Variants in CDH24 observed in about 807,000 individuals in gnomAD.
The protein encoded by CDH24 is cadherin 24, also known as cadherin-24.
A neutral mutation model predicts 71.2 loss-of-function variants in CDH24; 61 were observed. The observed-to-expected ratio is 0.86, with a 90% CI of 0.70 to 1.06. The LOEUF (loss-of-function observed/expected upper bound fraction) is 1.06. Ranked by LOEUF, CDH24 falls within the 50% of genes least tolerant of loss-of-function variation. The pLI, the probability that CDH24 is intolerant of heterozygous loss-of-function variation, is 0.00. For synonymous variants in CDH24, 440 were observed against 470.2 expected, an observed-to-expected ratio of 0.94 and a Z score of 0.83; for missense variants, 961 against 1,083.7, an observed-to-expected ratio of 0.89 and a Z score of 1.59.
At chr14:23,052,406 C>T (rs183768991) in intron 8 of CDH24, 67 bp downstream of exon 8, 70 of 1,577,252 alleles carry the variant, frequency 4.4e-5, no homozygotes, top group Non-Finnish European at 5.7e-5. Flanking sequence ...CCTTCTCCAC[C>T]CCCACACCCA....
In CDH24 at chr14:23,050,984, G is replaced by C. The variant is rs35322369; in HGVS notation, c.1364-1041C>G. Among the ~76,000 whole-genome samples the C allele has an allele frequency of 6.8e-3, 1,034 of 152,050 alleles. 4 individuals carry two copies. Among genetic ancestry groups the C allele is most frequent in the Non-Finnish European group, 9.4e-3 (639 of 67,976 alleles). On this transcript the variant is annotated intron_variant, in intron 8 of 12. Coordinates refer to ENST00000487137, the MANE Select transcript of CDH24 (RefSeq NM_144985.4). The stretch of plus-strand genomic sequence containing the variant: ...GCACTGCTAGGTGATGTCTGGGTGC[G>C]GGTAGGAGCAGGATTTGGCAGGAGA...
Position 23,051,792 on chromosome 14 carries a change from C to T in CDH24, c.1363+681G>A, listed in dbSNP as rs954792051. The stretch of plus-strand genomic sequence containing the variant: ...ATGAAGACAAAAGGGTGGAGGAGCC[C>T]CTGAGGCATAAGCAGGGGTATAAGG... On this transcript the variant is annotated intron_variant, in intron 8 of 12. Transcript: ENST00000487137. The surrounding 1 kb of genome is among the most constrained non-coding windows in gnomAD (Gnocchi z 4.4). 2.6e-5 allele frequency among the ~76,000 whole-genome samples: 4 copies of T among 152,172 alleles called. No homozygotes were observed. Among genetic ancestry groups the T allele is most frequent in the African/African-American group, 9.7e-5 (4 of 41,434 alleles).
chr14:23,054,325 A>G lies in CDH24; in HGVS notation c.788T>C (p.Leu263Pro). ...NDNPPKFPQS[L>P]YQFSVVETAG... ...TGTCTCCACCACGGAGAACTGGTAT[A>G]GGCCTTGGGATGACAGAGGGGAGAC... The change falls in exon 6 of 13, where the codon CTA becomes CCA. Residue 263 changes from leucine to proline, a missense_variant. Physicochemically the swap from Leu to Pro is moderately conservative, Grantham distance 98 (BLOSUM62 -3). Coordinates refer to ENST00000487137, the MANE Select transcript of CDH24 (RefSeq NM_144985.4). The surrounding 1 kb of genome is among the most constrained non-coding windows in gnomAD (Gnocchi z 5.2). 6.3e-7 allele frequency: 1 copy of G among 1,584,212 alleles called. No homozygotes were observed. The highest frequency in any genetic ancestry group is 8.6e-7 in the Non-Finnish European group (1 of 1,161,712).
chr14:23,049,826 C>T lies in CDH24; in HGVS notation c.1481G>A (p.Gly494Asp). ...DTFVCDSAAP[G>D]QLIQVIRALD... ...CCCTCTGCCTCAGTTGCTCACCTGG[C>T]CAGGAGCTGCAGAGTCACACACAAA... Residue 494 changes from glycine to aspartate, a missense_variant, in exon 9 of 13, where the codon GGC becomes GAC. By Grantham distance (94) the Gly-to-Asp change is moderately conservative. Transcript: ENST00000487137. 3.1e-6 allele frequency: 5 copies of T among 1,613,926 alleles called. No individual in the cohort carries two copies. Among genetic ancestry groups the T allele is most frequent in the Non-Finnish European group, 4.2e-6 (5 of 1,179,920 alleles).
rs1239426500 is a variant in CDH24 at position 23,054,309 on chromosome 14, C to T, written c.804G>A (p.Val268=). Residue 268 remains valine (V), a synonymous_variant, in exon 6 of 13, where the codon GTG becomes GTA. Coordinates refer to ENST00000487137, the MANE Select transcript of CDH24 (RefSeq NM_144985.4). This position sits in a 1 kb window ranked among gnomAD's most constrained non-coding sequence, Gnocchi z 5.2. Reference sequence around the variant, plus strand: ...GTGTGCCAGGTCCAGCTGTCTCCACCACGGAGAACTGGTATAGGCCTTGGG... The same window carrying T: ...GTGTGCCAGGTCCAGCTGTCTCCACTACGGAGAACTGGTATAGGCCTTGGG... ...KFPQSLYQFS[V]VETAGPGTLV... The T allele has an allele frequency of 1.9e-6, 3 of 1,606,038 alleles. No individual in the cohort carries two copies. Among genetic ancestry groups the T allele is most frequent in the Non-Finnish European group, 2.6e-6 (3 of 1,175,062 alleles).
At position 23,055,349 on chromosome 14, in the gene CDH24, T is replaced by C. The variant is rs756231975; in HGVS notation, c.206A>G (p.His69Arg). The change falls in exon 3 of 13, where the codon CAC (histidine) becomes CGC (arginine). Residue 69 changes from histidine (H) to arginine (R), a missense_variant. Coordinates refer to ENST00000487137, the MANE Select transcript of CDH24 (RefSeq NM_144985.4). The surrounding 1 kb of genome is among the most constrained non-coding windows in gnomAD (Gnocchi z 4.1). Reference protein sequence around the residue: ...GPEPVLIGKLHSDVDRGEGRT... With the variant: ...GPEPVLIGKLRSDVDRGEGRT... The stretch of plus-strand genomic sequence containing the variant: ...GCCCTCTCCCCGGTCAACATCCGAG[T>C]GCAGCTGCAGGGGTCACGAAAAGAT... The C allele has an allele frequency of 1.2e-6, 2 of 1,604,706 alleles. No homozygotes were observed. The highest frequency in any genetic ancestry group is 1.7e-6 in the Non-Finnish European group (2 of 1,172,288).
At position 23,055,580 on chromosome 14, in the gene CDH24, A is replaced by T; in HGVS notation, c.154T>A (p.Phe52Ile). The T allele has an allele frequency of 6.2e-7, 1 of 1,614,108 alleles. No individual in the cohort carries two copies. The highest frequency in any genetic ancestry group is 8.5e-7 in the Non-Finnish European group (1 of 1,180,016). The change falls in exon 2 of 13, where the codon TTT (phenylalanine) becomes ATT (isoleucine). Residue 52 changes from phenylalanine to isoleucine, a missense_variant. Around this residue, in one of 2 missense-constraint regions of CDH24, gnomAD observed 671 missense variants for 810.9 expected, o/e 0.83. Transcript: ENST00000487137. The surrounding 1 kb of genome is among the most constrained non-coding windows in gnomAD (Gnocchi z 4.1). ...TRRSWVWNQF[F>I]VIEEYAGPEP... ...GGACCAGCATATTCCTCAATGACAA[A>T]GAACTGGTTCCAGACCCAGCTCCTT...
rs766009150 is a variant in CDH24, at chr14:23,054,863, G to A, written c.500C>T (p.Thr167Ile). 2 of 1,612,980 alleles carry A rather than the reference G, an allele frequency of 1.2e-6. No individual in the cohort carries two copies. The highest frequency in any genetic ancestry group is 1.7e-5 in the Admixed American group (1 of 60,006). ...GTGAGCAGTCACCTGGATCACTGAT[G>A]TCCCTGTGGGGGATGCCAGCACGCC... ...ATVPEMSNVG[T>I]SVIQVTAHDA... Residue 167 changes from threonine (T) to isoleucine (I), a missense_variant, in exon 4 of 13, where the codon ACA becomes ATA. Transcript: ENST00000487137. This position sits in a 1 kb window ranked among gnomAD's most constrained non-coding sequence, Gnocchi z 5.2.
intron 8 of CDH24, 50 bp downstream of exon 8, chr14:23,052,423 G>C: frequency 6.2e-7 from 1 of 1,606,652 alleles, no homozygotes; most frequent in Non-Finnish European, 8.5e-7. Context: ...CCCAGGGACA[G>C]CTCCTCGGCC....
At position 23,054,250 on chromosome 14, in the gene CDH24, A is replaced by G; in HGVS notation, c.863T>C (p.Leu288Pro). The change falls in exon 6 of 13, where the codon CTG (leucine) becomes CCG (proline). Residue 288 changes from leucine (L) to proline (P), a missense_variant. By Grantham distance (98) the Leu-to-Pro change is moderately conservative. Coordinates refer to ENST00000487137, the MANE Select transcript of CDH24 (RefSeq NM_144985.4). The surrounding 1 kb of genome is among the most constrained non-coding windows in gnomAD (Gnocchi z 5.2). ...GTATGCCATCAGGGCGTTGTCCCCC[A>G]GGTCTGGGTCCTGGGCCCGGAGCCG... Reference protein sequence around the residue: ...VGRLRAQDPDLGDNALMAYSI... With the variant: ...VGRLRAQDPDPGDNALMAYSI... 4 of 1,613,680 alleles carry G rather than the reference A, an allele frequency of 2.5e-6. No individual in the cohort carries two copies. Among genetic ancestry groups the G allele is most frequent in the Non-Finnish European group, 3.4e-6 (4 of 1,179,888 alleles).
intron 10 of CDH24, 36 bp downstream of exon 10, chr14:23,049,591 A>AGGCAGGTAT: frequency 8.1e-7 from 1 of 1,232,436 alleles, no homozygotes; most frequent in Non-Finnish European, 1.2e-6. Context: ...AAGGGGACAG[A>AGGCAGGTAT]GGCAGGTATG....
chr14:23,049,269 G>T lies in CDH24; in HGVS notation c.1604C>A (p.Ser535Tyr). ...NFTVQDNRDG[S>Y]ASLLLPSRPA... ...GCGGGAGGGCAGCAGCAGGCTGGCG[G>T]AGCCATCTGTGGGAGAGGGAAGGTG... Residue 535 changes from serine (S) to tyrosine (Y), a missense_variant, in exon 11 of 13, where the codon TCC becomes TAC. Ser to Tyr is a moderately radical substitution (Grantham distance 144). Around this residue, in one of 2 missense-constraint regions of CDH24, gnomAD observed 671 missense variants for 810.9 expected, o/e 0.83. Coordinates refer to ENST00000487137, the MANE Select transcript of CDH24 (RefSeq NM_144985.4). The T allele has an allele frequency of 6.4e-7, 1 of 1,571,560 alleles. No homozygotes were observed. The highest frequency in any genetic ancestry group is 8.6e-7 in the Non-Finnish European group (1 of 1,158,146).
chr14:23,052,067 T>C (rs2047088680), intron 8 of CDH24: 1 of 1,563,794 alleles, frequency 6.4e-7, no homozygotes, highest in Non-Finnish European at 8.7e-7. Context: ...AGCCCCTTTC[T>C]GGCCCCCAGC....
Position 23,051,889 on chromosome 14 carries a change from C to A in CDH24, c.1363+584G>T. The stretch of plus-strand genomic sequence containing the variant: ...CTAGGGCTGCCCAGAGGCAGCTGAA[C>A]CCGCTGCTGGCCTGACTGATGGGGG... On this transcript the variant is annotated intron_variant, in intron 8 of 12. Coordinates refer to ENST00000487137, the MANE Select transcript of CDH24 (RefSeq NM_144985.4). This position sits in a 1 kb window ranked among gnomAD's most constrained non-coding sequence, Gnocchi z 4.4. 1 of 779,020 alleles carries A rather than the reference C, an allele frequency of 1.3e-6. No individual in the cohort carries two copies. Among genetic ancestry groups the A allele is most frequent in the Non-Finnish European group, 2.0e-6 (1 of 488,776 alleles). 48.3% of individuals were successfully genotyped at this position (779,020 alleles called of 1,614,324 possible).
Position 23,051,528 on chromosome 14 carries a change from T to C in CDH24, c.1363+945A>G, listed in dbSNP as rs1250745509. 2.6e-5 allele frequency among the ~76,000 whole-genome samples: 4 copies of C among 152,250 alleles called. No homozygotes were observed. The highest frequency in any genetic ancestry group is 9.6e-5 in the African/African-American group (4 of 41,464). On this transcript the variant is annotated intron_variant, in intron 8 of 12. Coordinates refer to ENST00000487137, the MANE Select transcript of CDH24 (RefSeq NM_144985.4). The surrounding 1 kb of genome is among the most constrained non-coding windows in gnomAD (Gnocchi z 4.4). ...ACAGCTACATGTGCATACCACTGTATATATCAATCACACATATGCATAATT... is the reference window on the plus strand; with the variant it reads ...ACAGCTACATGTGCATACCACTGTACATATCAATCACACATATGCATAATT...
chr14:23,056,191 T>C (rs1276716970), intron 1 of CDH24, among the ~76,000 whole-genome samples: 3 of 152,198 alleles, frequency 2.0e-5, no homozygotes, highest in African/African-American at 7.2e-5. Context: ...GAGGCGGGGC[T>C]ACCAGAGAAA....
Position 23,051,884 on chromosome 14 carries a change from C to G in CDH24, c.1363+589G>C. The stretch of plus-strand genomic sequence containing the variant: ...ATGGGCTAGGGCTGCCCAGAGGCAG[C>G]TGAACCCGCTGCTGGCCTGACTGAT... On this transcript the variant is annotated intron_variant, in intron 8 of 12. Transcript: ENST00000487137. This position sits in a 1 kb window ranked among gnomAD's most constrained non-coding sequence, Gnocchi z 4.4. 1 of 743,610 alleles carries G rather than the reference C, an allele frequency of 1.3e-6. No individual in the cohort carries two copies. Among genetic ancestry groups the G allele is most frequent in the South Asian group, 1.9e-5 (1 of 52,460 alleles). The allele number at this position is 743,610 out of a possible 1,614,324, so 46.1% of individuals were successfully genotyped here.
intron 8 of CDH24, chr14:23,050,270 A>T: frequency 4.2e-6 from 1 of 236,994 alleles, no homozygotes; most frequent in Non-Finnish European, 8.3e-6. Flanking sequence ...GGTGCATACG[A>T]GTTGCATGCA....
At position 23,054,558 on chromosome 14, in the gene CDH24, C is replaced by T. The variant is rs545975441; in HGVS notation, c.732G>A (p.Thr244=). The T allele has an allele frequency of 5.4e-5, 87 of 1,614,070 alleles. No individual in the cohort carries two copies. The highest frequency in any genetic ancestry group is 4.6e-4 in the South Asian group (42 of 91,082). Residue 244 remains threonine (T), a synonymous_variant, in exon 5 of 13, where the codon ACG becomes ACA. Coordinates refer to ENST00000487137, the MANE Select transcript of CDH24 (RefSeq NM_144985.4). The surrounding 1 kb of genome is among the most constrained non-coding windows in gnomAD (Gnocchi z 5.2). ...TGACATCGCTGAGCGTGACAGTCAC[C>T]GTAGTGCTGCCTGACAGCCCCCCCA... ...GHMGGLSGST[T]VTVTLSDVND... is the part of the protein sequence containing the mutation.
Sources: allele counts gnomAD v4.1 joint callset (sites outside exome capture counted in the v4.1 genomes callset), GRCh38; gene constraint gnomAD v4.1.1; regional missense constraint gnomAD v4.1.1; non-coding constraint Gnocchi (gnomAD v3.1); transcripts MANE v1.5; gene names NCBI Gene and HGNC (gene_info 2026-07-23, HGNC 2026-07-21).